Variants in FUT8 observed in about 807,000 individuals in gnomAD.
FUT8 encodes the protein alpha-(1,6)-fucosyltransferase.
FUT8 carries 29 observed loss-of-function variants against 71.3 expected under a neutral mutation model. The ratio of observed to expected loss-of-function variants is 0.41; its 90% CI spans 0.30 to 0.55. The LOEUF is 0.55. FUT8 is among the 20% of genes least tolerant of loss of function. The pLI is 0.34. For synonymous variants in FUT8, 254 were observed against 239.3 expected (o/e 1.06, Z -0.57); for missense variants, 544 against 702.1 (o/e 0.77, Z 2.55).
intron 7 of FUT8, among the ~76,000 whole-genome samples, chr14:65,677,055 C>G (rs1892748568): frequency 6.6e-6 from 1 of 151,076 alleles, no homozygotes; most frequent in Non-Finnish European, 1.5e-5. Context: ...AAGGTTGTTA[C>G]TCAGTAAGAA....
chr14:65,436,340 A>G (rs567431312), intron 1 of FUT8, among the ~76,000 whole-genome samples: 32 of 152,152 alleles, frequency 2.1e-4, no homozygotes, highest in Non-Finnish European at 3.8e-4. Flanking sequence ...TTTAAAAAAC[A>G]ATGATAGTGG....
At chr14:65,535,534 C>T (rs1884247725) in intron 2 of FUT8, among the ~76,000 whole-genome samples, 1 of 152,130 alleles carries the variant, frequency 6.6e-6, no homozygotes, top group Non-Finnish European at 1.5e-5. Flanking sequence ...TGGTTTCTGC[C>T]TTACTCAGAA....
At chr14:65,609,980 C>CTA (rs1368915400) in intron 3 of FUT8, among the ~76,000 whole-genome samples, 1 of 151,452 alleles carries the variant, frequency 6.6e-6, no homozygotes, top group Non-Finnish European at 1.5e-5. Flanking sequence ...GCTATTGTAA[C>CTA]TAATAATGTG....
At chr14:65,727,512 G>A (rs999111886) in intron 9 of FUT8, among the ~76,000 whole-genome samples, 1 of 152,086 alleles carries the variant, frequency 6.6e-6, no homozygotes, top group Admixed American at 6.5e-5. Flanking sequence ...TTTTTGTCAT[G>A]ACGGAAGCAG....
chr14:65,619,556 T>C (rs1889491619), intron 5 of FUT8, among the ~76,000 whole-genome samples: 1 of 152,200 alleles, frequency 6.6e-6, no homozygotes, highest in Non-Finnish European at 1.5e-5. Flanking sequence ...AGCTAATAAC[T>C]AGTAGAGCCT....
intron 7 of FUT8, among the ~76,000 whole-genome samples, chr14:65,677,927 T>C (rs971454456): frequency 6.6e-6 from 1 of 152,196 alleles, no homozygotes; most frequent in African/African-American, 2.4e-5. Context: ...ACTAGATCCA[T>C]GAGCTGGGCT....
chr14:65,705,468 C>G (rs1894511226), intron 7 of FUT8, among the ~76,000 whole-genome samples: 1 of 152,190 alleles, frequency 6.6e-6, no homozygotes. Context: ...TCCCTCATCC[C>G]TCTAAAGGTC....
At chr14:65,540,259 T>A (rs1356996610) in intron 2 of FUT8, among the ~76,000 whole-genome samples, 5 of 150,508 alleles carry the variant, frequency 3.3e-5, no homozygotes, top group Non-Finnish European at 5.9e-5. Context: ...ACCCTGATTT[T>A]TGTTTGTTTG....
chr14:65,657,483 A>G (rs946020199), intron 6 of FUT8, among the ~76,000 whole-genome samples: 2 of 152,178 alleles, frequency 1.3e-5, no homozygotes, highest in Non-Finnish European at 2.9e-5. Context: ...ATGGAGTACT[A>G]TCCAGCCATA....
intron 3 of FUT8, among the ~76,000 whole-genome samples, chr14:65,591,218 C>G (rs1377931426): frequency 6.6e-6 from 1 of 152,060 alleles, no homozygotes; most frequent in East Asian, 1.9e-4. Flanking sequence ...TATGGAGAAA[C>G]TCGGATTTAC....
At chr14:65,636,318 T>TG (rs747103849) in intron 6 of FUT8, among the ~76,000 whole-genome samples, 1 of 128,156 alleles carries the variant, frequency 7.8e-6, no homozygotes, top group East Asian at 2.2e-4. Context: ...CTTTTGTATT[T>TG]TTTTTTTGTT....
chr14:65,650,551 A>G (rs1245321429), intron 6 of FUT8, among the ~76,000 whole-genome samples: 3 of 151,616 alleles, frequency 2.0e-5, no homozygotes, highest in Non-Finnish European at 4.4e-5. Context: ...TCGTGAGAAA[A>G]ATACTAGCAG....
At chr14:65,500,741 T>C (rs1051114743) in intron 2 of FUT8, among the ~76,000 whole-genome samples, 2 of 152,170 alleles carry the variant, frequency 1.3e-5, no homozygotes, top group Non-Finnish European at 2.9e-5. Flanking sequence ...CCAAACTAGA[T>C]ACAAAACTGC....
At position 65,727,415 on chromosome 14, in the gene FUT8, C is replaced by T. The variant is rs540360060; in HGVS notation, c.1259+3092C>T. ...AACCTCAGTTCCTGACTTCTGTGCGCTCACAGGCCCAACACCATGTGGAAG... is the reference window on the plus strand; with the variant it reads ...AACCTCAGTTCCTGACTTCTGTGCGTTCACAGGCCCAACACCATGTGGAAG... On this transcript the variant is annotated intron_variant, in intron 9 of 10. Coordinates refer to ENST00000673929, the MANE Select transcript of FUT8 (RefSeq NM_001371533.1). 7.9e-5 allele frequency among the ~76,000 whole-genome samples: 12 copies of T among 152,316 alleles called. 1 individual carries two copies. In the South Asian group the frequency reaches 1.4e-3, roughly 18 times the overall value.
chr14:65,585,287 A>C (rs1461206173), intron 3 of FUT8, among the ~76,000 whole-genome samples: 1 of 152,140 alleles, frequency 6.6e-6, no homozygotes, highest in African/African-American at 2.4e-5. Context: ...CCTGGGCTCA[A>C]GTGCTCCTCC....
chr14:65,701,750 A>G (rs1239266329), intron 7 of FUT8, among the ~76,000 whole-genome samples: 1 of 152,200 alleles, frequency 6.6e-6, no homozygotes, highest in African/African-American at 2.4e-5. Context: ...TTTGAAGTTT[A>G]TATCATTTAT....
At position 65,742,813 on chromosome 14, in the gene FUT8, C is replaced by T. The variant is rs938300177; in HGVS notation, c.*403C>T. On this transcript the variant is annotated 3_prime_UTR_variant, in exon 11 of 11. Transcript: ENST00000673929. ...TGAACTATTGAGAAGATCGGAACAG[C>T]TCCTTACTCTGAGGAAGTTGATTCT... 6.1e-6 allele frequency: 1 copy of T among 162,630 alleles called. No individual in the cohort carries two copies. The highest frequency in any genetic ancestry group is 2.4e-5 in the African/African-American group (1 of 41,648). 10.1% of individuals were successfully genotyped at this position (162,630 alleles called of 1,614,324 possible). A position where few individuals can be genotyped will look rare whatever the true frequency, so the allele number is the denominator to read the frequency against.
intron 1 of FUT8, among the ~76,000 whole-genome samples, chr14:65,415,116 G>A (rs999832539): frequency 1.3e-5 from 2 of 152,090 alleles, no homozygotes; most frequent in Admixed American, 6.5e-5. Flanking sequence ...ATTTGCCAGT[G>A]GATTGGAAAA....
intron 1 of FUT8, among the ~76,000 whole-genome samples, chr14:65,428,564 C>T (rs1014946022): frequency 1.3e-5 from 2 of 152,114 alleles, no homozygotes; most frequent in Admixed American, 6.6e-5. Flanking sequence ...GCACCCCAAA[C>T]GGACTAAGAC....
Sources: gnomAD v4.1 joint callset for allele counts (sites outside exome capture counted in the v4.1 genomes callset) on GRCh38, gnomAD v4.1.1 for gene constraint, MANE v1.5 for transcripts, NCBI Gene and HGNC (gene_info 2026-07-23, HGNC 2026-07-21) for gene names.